Variants in ATF7IP2 observed in about 807,000 individuals in gnomAD.
ATF7IP2 encodes the protein activating transcription factor 7 interacting protein 2.
Under a neutral mutation model 64.2 loss-of-function variants are expected in ATF7IP2, and 42 were observed. The observed-to-expected ratio is 0.65, with a 90% CI of 0.51 to 0.85. ATF7IP2 has a LOEUF of 0.85. Ranked by LOEUF, ATF7IP2 falls within the 40% of genes least tolerant of loss-of-function variation. The pLI is 0.00. For missense variants in ATF7IP2, 933 were observed against 784.2 expected (o/e 1.19, Z -2.27); for synonymous variants, 308 against 272.8 (o/e 1.13, Z -1.27).
At chr16:10,406,486 AAAG>A (rs1178902000) in intron 1 of ATF7IP2, among the ~76,000 whole-genome samples, 3 of 152,212 alleles carry the variant, frequency 2.0e-5, no homozygotes, top group East Asian at 3.8e-4. Flanking sequence ...TAGTAGAAGA[AAAG>A]AAGTAATAAA....
intron 1 of ATF7IP2, among the ~76,000 whole-genome samples, chr16:10,402,975 G>A (rs2047565230): frequency 6.6e-6 from 1 of 151,902 alleles, no homozygotes; most frequent in Non-Finnish European, 1.5e-5. Flanking sequence ...TGTTCCATGT[G>A]CTAATGAGAA....
chr16:10,417,366 T>G lies in ATF7IP2; in HGVS notation c.-202-2215T>G, dbSNP rs112913539. Reference sequence around the variant, plus strand: ...CTTACATGGTAAGACACATTTAGACTCAAGTTGAAGGGGTAGAAAAAGATA... The same window carrying G: ...CTTACATGGTAAGACACATTTAGACGCAAGTTGAAGGGGTAGAAAAAGATA... On this transcript the variant is annotated intron_variant, in intron 2 of 13. Transcript: ENST00000562102. 4.9e-3 allele frequency among the ~76,000 whole-genome samples: 740 copies of G among 152,146 alleles called. 3 individuals are homozygous for G. The highest frequency in any genetic ancestry group is 0.017 in the African/African-American group (707 of 41,528).
intron 1 of ATF7IP2, among the ~76,000 whole-genome samples, chr16:10,396,952 C>G (rs892918439): frequency 3.3e-5 from 5 of 152,108 alleles, no homozygotes; most frequent in African/African-American, 1.2e-4. Context: ...CAGGCATGAG[C>G]TACCACGCCC....
In ATF7IP2 at chr16:10,480,974, C is replaced by G; in HGVS notation, c.1635+10C>G. 1.3e-6 allele frequency: 2 copies of G among 1,566,796 alleles called. No individual in the cohort carries two copies. The highest frequency in any genetic ancestry group is 2.2e-5 in the East Asian group (1 of 44,612). On this transcript the variant is annotated intron_variant, in intron 13 of 13. Transcript: ENST00000562102. ...ACAAAATGCAGTCCAGGTACTGAAT[C>G]AAAGTGCTCTGTAAGGGATATTTAT...
chr16:10,406,231 C>G lies in ATF7IP2; in HGVS notation c.-241-8343C>G, dbSNP rs995874604. Among the ~76,000 whole-genome samples the G allele has an allele frequency of 5.3e-5, 8 of 152,128 alleles. No homozygotes were observed. In the East Asian group the frequency reaches 5.8e-4, roughly 11 times the overall value. ...AAGCAATCCTGCCATCTCAGCCTCTCGAGTAGCTGGGACTACAGGTGTGCA... is the reference window on the plus strand; with the variant it reads ...AAGCAATCCTGCCATCTCAGCCTCTGGAGTAGCTGGGACTACAGGTGTGCA... On this transcript the variant is annotated intron_variant, in intron 1 of 13. Coordinates refer to ENST00000562102, the MANE Select transcript of ATF7IP2 (RefSeq NM_001393719.1).
intron 8 of ATF7IP2, chr16:10,446,375 T>C (rs2048805581): frequency 6.6e-6 from 1 of 152,218 alleles, no homozygotes; most frequent in Non-Finnish European, 1.5e-5. Context: ...TCCTGCCTTT[T>C]GATTTAAGAT....
rs1412232619 is a variant in ATF7IP2 at position 10,430,845 on chromosome 16, C to T, written c.225C>T (p.Ser75=). Residue 75 remains serine, a synonymous_variant, in exon 5 of 14, where the codon TCC becomes TCT. Transcript: ENST00000562102. ...TKCSPSENGA[S]SLDSNKNSIS... ...GTAGCCCTTCTGAAAATGGTGCATC[C>T]TCATTGGACTCTAATAAAAATTCAA... 1.9e-6 allele frequency: 3 copies of T among 1,613,802 alleles called. No homozygotes were observed. Among genetic ancestry groups the T allele is most frequent in the East Asian group, 2.2e-5 (1 of 44,872 alleles).
At chr16:10,470,135 T>C (rs748897151) in intron 9 of ATF7IP2, among the ~76,000 whole-genome samples, 1 of 152,116 alleles carries the variant, frequency 6.6e-6, no homozygotes, top group Admixed American at 6.5e-5. Flanking sequence ...ATAGAAAATA[T>C]TTTTGTTTCT....
chr16:10,478,672 A>C (rs1362994059), intron 12 of ATF7IP2, among the ~76,000 whole-genome samples: 1 of 152,256 alleles, frequency 6.6e-6, no homozygotes, highest in Non-Finnish European at 1.5e-5. Context: ...CTTAAACTAA[A>C]GAGCTCCTGC....
chr16:10,450,679 C>T (rs1343625406), intron 8 of ATF7IP2, among the ~76,000 whole-genome samples: 8 of 152,052 alleles, frequency 5.3e-5, no homozygotes, highest in Admixed American at 5.2e-4. Flanking sequence ...AGATCTTCCT[C>T]CATCCCTTTA....
intron 8 of ATF7IP2, among the ~76,000 whole-genome samples, chr16:10,443,124 G>A (rs1039163860): frequency 2.6e-5 from 4 of 152,178 alleles, no homozygotes; most frequent in Admixed American, 6.5e-5. Context: ...TTGGCAGAGT[G>A]TCCAATAAGG....
intron 1 of ATF7IP2, among the ~76,000 whole-genome samples, chr16:10,414,294 T>G (rs1320194029): frequency 6.6e-6 from 1 of 152,134 alleles, no homozygotes; most frequent in Admixed American, 6.6e-5. Flanking sequence ...TTCTTTTTTC[T>G]TTGTCTTTGT....
intron 1 of ATF7IP2, among the ~76,000 whole-genome samples, chr16:10,404,646 A>G (rs957700505): frequency 6.6e-6 from 1 of 152,110 alleles, no homozygotes; most frequent in African/African-American, 2.4e-5. Context: ...AGGTTTAAGC[A>G]GTTCTCATGC....
chr16:10,469,567 A>C (rs2049710999), intron 9 of ATF7IP2, among the ~76,000 whole-genome samples: 1 of 152,066 alleles, frequency 6.6e-6, no homozygotes, highest in Non-Finnish European at 1.5e-5. Context: ...CATCACATAG[A>C]AAGGAACAGA....
At chr16:10,437,678 C>G (rs2048467684) in intron 6 of ATF7IP2, among the ~76,000 whole-genome samples, 1 of 152,166 alleles carries the variant, frequency 6.6e-6, no homozygotes, top group Admixed American at 6.5e-5. Flanking sequence ...TGTTCTATAT[C>G]TACTACAGAC....
At chr16:10,467,132 T>G (rs926466763) in intron 9 of ATF7IP2, among the ~76,000 whole-genome samples, 1 of 152,200 alleles carries the variant, frequency 6.6e-6, no homozygotes, top group Non-Finnish European at 1.5e-5. Context: ...GTAAGGCTCC[T>G]TCTACCTCTA....
At chr16:10,408,543 G>C (rs1222835535) in intron 1 of ATF7IP2, among the ~76,000 whole-genome samples, 1 of 152,146 alleles carries the variant, frequency 6.6e-6, no homozygotes, top group Admixed American at 6.5e-5. Flanking sequence ...GCAGGAGTAA[G>C]GTGGTATTGC....
rs1209439415 is a variant in ATF7IP2 at position 10,436,014 on chromosome 16, CAT to C, written c.961-2086_961-2085del. On this transcript the variant is annotated intron_variant, in intron 6 of 13. Coordinates refer to ENST00000562102, the MANE Select transcript of ATF7IP2 (RefSeq NM_001393719.1). Reference sequence around the variant, plus strand: ...TGAACCCAGCCAGTGAACTAACAAACATGTGATGATCCATAGAAACCACACGA... The same window carrying C: ...TGAACCCAGCCAGTGAACTAACAAACGTGATGATCCATAGAAACCACACGA... Among the ~76,000 whole-genome samples, 17 of 152,142 alleles carry C rather than the reference CAT, an allele frequency of 1.1e-4. No homozygotes were observed. In the East Asian group the frequency reaches 1.9e-3, roughly 17 times the overall value.
intron 1 of ATF7IP2, among the ~76,000 whole-genome samples, chr16:10,408,330 A>G (rs997890670): frequency 6.6e-6 from 1 of 152,068 alleles, no homozygotes; most frequent in Non-Finnish European, 1.5e-5. Context: ...TTGTATAATG[A>G]CTACTTTTCC....
Sources: gnomAD v4.1 joint callset for allele counts (sites outside exome capture counted in the v4.1 genomes callset) on GRCh38, gnomAD v4.1.1 for gene constraint, MANE v1.5 for transcripts, NCBI Gene and HGNC (gene_info 2026-07-23, HGNC 2026-07-21) for gene names.